NPC1: variants seen among roughly 807,000 people sequenced by gnomAD.
NPC1 encodes Niemann-Pick C1 protein.
A neutral mutation model predicts 140.4 loss-of-function variants in NPC1; 85 were observed. The observed-to-expected ratio is 0.61, with a 90% CI of 0.51 to 0.72. The LOEUF (loss-of-function observed/expected upper bound fraction) is 0.72. Ranked by LOEUF, NPC1 falls within the 30% of genes least tolerant of loss-of-function variation. The pLI is 0.00. For missense variants in NPC1, 1,504 were observed against 1,623.8 expected, an observed-to-expected ratio of 0.93 and a Z score of 1.27; for synonymous variants, 656 against 624.8, an observed-to-expected ratio of 1.05 and a Z score of -0.74.
chr18:23,516,188 A>G, intron 3 of NPC1: 4 of 1,319,386 alleles, frequency 3.0e-6, no homozygotes, highest in Non-Finnish European at 4.3e-6. Context: ...ACAGGCTGTG[A>G]GAGGACATGG....
intron 4 of NPC1, 46 bp downstream of exon 4, chr18:23,568,777 G>C (rs566291422): frequency 6.7e-7 from 1 of 1,501,934 alleles, no homozygotes; most frequent in African/African-American, 1.4e-5. Flanking sequence ...TTGCTCTGCT[G>C]TCCTGATGCC....
rs565793480 is a variant in NPC1 at position 23,509,534 on chromosome 18, T to C, written c.432-2892A>G. The C allele has an allele frequency of 5.8e-5, 12 of 207,350 alleles. No homozygotes were observed. The South Asian group carries it at 2.1e-3, about 36-fold the overall frequency. 12.8% of individuals were successfully genotyped at this position (207,350 alleles called of 1,614,324 possible). ...ACAGGCATGTACCACCATGCCTGGC[T>C]AATTTTTCTTTTTATTATTTTATTT... On this transcript the variant is annotated intron_variant, in intron 3 of 3. Transcript: ENST00000591107.
Position 23,568,890 on chromosome 18 carries a change from AG to A in NPC1, c.395del (p.Pro132LeufsTer10), listed in dbSNP as rs1057516462. On this transcript the variant is annotated frameshift_variant, in exon 4 of 25. Coordinates refer to ENST00000269228, the MANE Select transcript of NPC1 (RefSeq NM_000271.5). LOFTEE classifies it high-confidence loss of function. Reference protein sequence around the residue: ...NVTATEDYVDPVTNQTKTNVK... With the variant: ...NVTATEDYVDXVTNQTKTNVK... ...CATTTGTTTTCGTCTGGTTTGTAAC[AG>A]GATCAACATAATCTTCAGTAGCTGT... is the stretch of plus-strand genomic sequence containing the variant. 6 of 1,614,084 alleles carry A rather than the reference AG, an allele frequency of 3.7e-6. No homozygotes were observed. Among genetic ancestry groups the A allele is most frequent in the Non-Finnish European group, 5.1e-6 (6 of 1,179,904 alleles).
At position 23,541,065 on chromosome 18, in the gene NPC1, T is replaced by C; in HGVS notation, c.2514+3A>G. 6.2e-7 allele frequency: 1 copy of C among 1,614,202 alleles called. No homozygotes were observed. Among genetic ancestry groups the C allele is most frequent in the Non-Finnish European group, 8.5e-7 (1 of 1,180,008 alleles). ...AAGAGAAAAACCACAGATAAGCGCA[T>C]ACCACAATTGGTCTCATCCAGTCCT... On this transcript the variant is annotated splice_donor_region_variant and intron_variant, in intron 16 of 24. Transcript: ENST00000269228.
chr18:23,518,337 T>G (rs1277516040), downstream of NPC1, among the ~76,000 whole-genome samples: 1 of 151,936 alleles, frequency 6.6e-6, no homozygotes, highest in African/African-American at 2.4e-5. Context: ...CAAAAAAATT[T>G]AAAAATTAGC....
At chr18:23,535,852 A>G (rs1299258850) in intron 21 of NPC1, 152 bp from the exon 22 acceptor site, 3 of 690,538 alleles carry the variant, frequency 4.3e-6, no homozygotes, top group Admixed American at 4.1e-5. Flanking sequence ...ACCGAAAGCA[A>G]CTCACTTGAC....
chr18:23,534,215 C>T, intron 23 of NPC1: 1 of 605,946 alleles, frequency 1.7e-6, no homozygotes, highest in Non-Finnish European at 3.0e-6. Flanking sequence ...TTTAACTTGT[C>T]TGTTATTTTC....
intron 1 of NPC1, chr18:23,576,916 C>T (rs2059290876): frequency 6.5e-6 from 1 of 152,738 alleles, no homozygotes; most frequent in Non-Finnish European, 1.5e-5. Flanking sequence ...AACAACGCTT[C>T]CACAGCATGG....
intron 4 of NPC1, among the ~76,000 whole-genome samples, chr18:23,568,047 T>TA (rs1233312806): frequency 6.6e-6 from 1 of 151,542 alleles, no homozygotes; most frequent in Non-Finnish European, 1.5e-5. Flanking sequence ...TTGGGATTTT[T>TA]AATCTACACA....
At chr18:23,563,818 A>C (rs2059079166) in intron 4 of NPC1, among the ~76,000 whole-genome samples, 1 of 152,002 alleles carries the variant, frequency 6.6e-6, no homozygotes, top group Non-Finnish European at 1.5e-5. Context: ...GTGGGTGTGA[A>C]GTGGTATCTC....
In NPC1 at chr18:23,531,795, T is replaced by G. The variant is rs1415449108; in HGVS notation, c.*407A>C. ...TTAAACTATAAAATGTTATAAAGTG[T>G]ATCTACAACCTCAACTGTCACTAAA... On this transcript the variant is annotated 3_prime_UTR_variant, in exon 25 of 25. Coordinates refer to ENST00000269228, the MANE Select transcript of NPC1 (RefSeq NM_000271.5). 4 of 1,539,738 alleles carry G rather than the reference T, an allele frequency of 2.6e-6. No individual in the cohort carries two copies. The highest frequency in any genetic ancestry group is 1.7e-6 in the Non-Finnish European group (2 of 1,151,780).
At chr18:23,562,510 TAC>T (rs1438533838) in intron 4 of NPC1, among the ~76,000 whole-genome samples, 1 of 152,000 alleles carries the variant, frequency 6.6e-6, no homozygotes, top group Non-Finnish European at 1.5e-5. Context: ...AGGAGATGCT[TAC>T]ACATTCATTT....
chr18:23,516,404 G>A (rs1378868378), intron 3 of NPC1: 1 of 1,614,204 alleles, frequency 6.2e-7, no homozygotes, highest in Non-Finnish European at 8.5e-7. Flanking sequence ...TTCCGAAAGA[G>A]ACATCGCAAT....
At position 23,531,740 on chromosome 18, in the gene NPC1, A is replaced by G. The variant is rs2058516111; in HGVS notation, c.*462T>C. 1.9e-6 allele frequency: 3 copies of G among 1,592,674 alleles called. No homozygotes were observed. Among genetic ancestry groups the G allele is most frequent in the Non-Finnish European group, 1.7e-6 (2 of 1,173,852 alleles). ...TGTTTTTTTATATAAAAATGTGTAC[A>G]AAGTTAATTTATTGCATTAATAAAG... On this transcript the variant is annotated 3_prime_UTR_variant, in exon 25 of 25. Transcript: ENST00000269228.
Position 23,541,433 on chromosome 18 carries a change from C to A in NPC1, c.2246G>T (p.Gly749Val), listed in dbSNP as rs754591895. 1 of 1,614,208 alleles carries A rather than the reference C, an allele frequency of 6.2e-7. No homozygotes were observed. Reference sequence around the variant, plus strand: ...CACGGCTGGCATCACGGACAATGCTCCTGTCGGGGAGAGAAGGGCTCTGCG... The same window carrying A: ...CACGGCTGGCATCACGGACAATGCTACTGTCGGGGAGAGAAGGGCTCTGCG... The part of the protein sequence containing the change: ...SFSETVAFFL[G>V]ALSVMPAVHT... The change falls in exon 15 of 25, where the codon GGA becomes GTA. Residue 749 changes from glycine (G) to valine (V), a missense_variant and splice_region_variant. Gly to Val is a moderately radical substitution (Grantham distance 109, BLOSUM62 -3). Transcript: ENST00000269228.
chr18:23,538,682 C>T lies in NPC1; in HGVS notation c.2912-11G>A, dbSNP rs1479714105. ...AGGCAGGGTCAACCACTGGCGGAGACATGCAGGGAGGACTGTTAGAAGAAT... is the reference window on the plus strand; with the variant it reads ...AGGCAGGGTCAACCACTGGCGGAGATATGCAGGGAGGACTGTTAGAAGAAT... On this transcript the variant is annotated splice_polypyrimidine_tract_variant and intron_variant, in intron 19 of 24. Transcript: ENST00000269228. The T allele has an allele frequency of 6.2e-7, 1 of 1,613,872 alleles. No individual in the cohort carries two copies. Among genetic ancestry groups the T allele is most frequent in the South Asian group, 1.1e-5 (1 of 91,072 alleles).
downstream of NPC1, chr18:23,529,475 ATTG>A (rs1328602585): frequency 1.2e-5 from 15 of 1,251,066 alleles, no homozygotes; most frequent in Admixed American, 2.3e-5. Flanking sequence ...CTAAAGCATA[ATTG>A]TTGACGGGTG....
At chr18:23,531,332 C>A, downstream of NPC1, 1 of 341,386 alleles carries the variant, frequency 2.9e-6, no homozygotes, top group East Asian at 6.3e-5. Context: ...CAACCTAAGA[C>A]ATCATCTTTA....
At chr18:23,569,293 A>G (rs935973521) in intron 3 of NPC1, among the ~76,000 whole-genome samples, 1 of 152,176 alleles carries the variant, frequency 6.6e-6, no homozygotes, top group Non-Finnish European at 1.5e-5. Context: ...TCTCTGACCT[A>G]GAGTAAAGGG....
Sources: gnomAD v4.1 joint callset for allele counts (sites outside exome capture counted in the v4.1 genomes callset) on GRCh38, gnomAD v4.1.1 for gene constraint, MANE v1.5 for transcripts, NCBI Gene and HGNC (gene_info 2026-07-23, HGNC 2026-07-21) for gene names.